The following XKR9 variants were observed in gnomAD, a reference collection of about 807,000 sequenced individuals.
The protein encoded by XKR9 is XK-related protein 9.
A neutral mutation model predicts 32.0 loss-of-function variants in XKR9; 32 were observed. That is an observed-to-expected ratio of 1.00 (90% CI 0.76 to 1.34). XKR9 has a LOEUF of 1.34. Ranked by LOEUF, XKR9 falls within the 40% of genes most tolerant of loss-of-function variation. XKR9 has a pLI of 0.00. For synonymous variants in XKR9, 168 were observed against 143.4 expected, an observed-to-expected ratio of 1.17 and a Z score of -1.22; for missense variants, 546 against 429.7, an observed-to-expected ratio of 1.27 and a Z score of -2.39.
At chr8:71,053,977 G>C in the XKR9 span, among the ~76,000 whole-genome samples, 3 of 152,194 alleles carry the variant, frequency 2.0e-5, no homozygotes, top group Admixed American at 1.3e-4. Flanking sequence ...AACAGTCTCA[G>C]CTAAGTTCCT....
At chr8:70,780,324 A>G (rs1807596767) in intron 2 of XKR9, among the ~76,000 whole-genome samples, 1 of 151,562 alleles carries the variant, frequency 6.6e-6, no homozygotes, top group Non-Finnish European at 1.5e-5. Flanking sequence ...TGTTTAGATA[A>G]TTTATTTTTG....
At chr8:70,886,659 TTC>T in the XKR9 span, among the ~76,000 whole-genome samples, 4 of 151,796 alleles carry the variant, frequency 2.6e-5, no homozygotes, top group African/African-American at 4.8e-5. Flanking sequence ...AGCTTTTTTT[TTC>T]ATATGTTTAT....
At chr8:70,897,851 C>T in the XKR9 span, among the ~76,000 whole-genome samples, 1 of 152,126 alleles carries the variant, frequency 6.6e-6, no homozygotes, top group Non-Finnish European at 1.5e-5. Context: ...GTTTCCTTTG[C>T]TGTGCAAAAG....
chr8:71,059,532 CAGAGA>C, the XKR9 span, among the ~76,000 whole-genome samples: 6 of 152,204 alleles, frequency 3.9e-5, no homozygotes, highest in African/African-American at 1.4e-4. Flanking sequence ...CAAATGCCTG[CAGAGA>C]AGAGAAAAGA....
At chr8:70,821,272 G>A in the XKR9 span, among the ~76,000 whole-genome samples, 7 of 152,232 alleles carry the variant, frequency 4.6e-5, no homozygotes, top group South Asian at 1.4e-3. Flanking sequence ...AGGTCACACT[G>A]ATGCAAGAGG....
At chr8:70,970,349 G>C in the XKR9 span, among the ~76,000 whole-genome samples, 1 of 151,832 alleles carries the variant, frequency 6.6e-6, no homozygotes, top group Non-Finnish European at 1.5e-5. Flanking sequence ...TTTAAGTTCT[G>C]TGGTACATGT....
the XKR9 span, among the ~76,000 whole-genome samples, chr8:70,994,895 C>A: frequency 2.6e-5 from 4 of 151,944 alleles, no homozygotes; most frequent in Admixed American, 2.0e-4. Context: ...ATGAAAAGGT[C>A]TTTGTGTTTC....
At chr8:70,750,032 T>C (rs1807116963) in intron 2 of XKR9, among the ~76,000 whole-genome samples, 2 of 152,186 alleles carry the variant, frequency 1.3e-5, no homozygotes, top group Non-Finnish European at 1.5e-5. Flanking sequence ...GGTGTGTGTA[T>C]GCATGAATGC....
At chr8:70,957,688 A>G in the XKR9 span, among the ~76,000 whole-genome samples, 41 of 151,594 alleles carry the variant, frequency 2.7e-4, no homozygotes, top group East Asian at 7.4e-3. Context: ...TTCCAGCTCC[A>G]TTCACATCCT....
the XKR9 span, among the ~76,000 whole-genome samples, chr8:70,878,238 C>T: frequency 2.0e-5 from 3 of 152,150 alleles, no homozygotes; most frequent in African/African-American, 7.2e-5. Flanking sequence ...TATGAAGAAA[C>T]TGCATTAATT....
chr8:70,794,789 A>G (rs1016406138), downstream of XKR9, among the ~76,000 whole-genome samples: 21 of 149,978 alleles, frequency 1.4e-4, no homozygotes, highest in African/African-American at 3.2e-4. Flanking sequence ...TTTTGTGTCT[A>G]TATTCGTACG....
the XKR9 span, among the ~76,000 whole-genome samples, chr8:70,993,473 C>T: frequency 6.6e-6 from 1 of 152,102 alleles, no homozygotes; most frequent in Non-Finnish European, 1.5e-5. Context: ...CCAAAAATGT[C>T]CCACCTTAGC....
the XKR9 span, among the ~76,000 whole-genome samples, chr8:70,949,842 T>A: frequency 6.6e-6 from 1 of 152,168 alleles, no homozygotes; most frequent in Non-Finnish European, 1.5e-5. Flanking sequence ...GTGCTTAGTA[T>A]GTGCCAGGCT....
chr8:70,864,178 T>C, the XKR9 span, among the ~76,000 whole-genome samples: 1 of 152,154 alleles, frequency 6.6e-6, no homozygotes, highest in Non-Finnish European at 1.5e-5. Context: ...CCCCCTAAAA[T>C]CTTATAACTT....
the XKR9 span, among the ~76,000 whole-genome samples, chr8:70,875,861 AT>A: frequency 6.6e-6 from 1 of 152,174 alleles, no homozygotes; most frequent in Non-Finnish European, 1.5e-5. Context: ...CCATAATTGA[AT>A]TTTAATTTAA....
the XKR9 span, among the ~76,000 whole-genome samples, chr8:70,836,855 T>C: frequency 3.3e-5 from 5 of 152,106 alleles, no homozygotes; most frequent in African/African-American, 4.8e-5. Flanking sequence ...TGTCTCAATA[T>C]GTGTCACATC....
At chr8:70,810,485 C>A in the XKR9 span, among the ~76,000 whole-genome samples, 2 of 152,158 alleles carry the variant, frequency 1.3e-5, no homozygotes, top group Non-Finnish European at 2.9e-5. Flanking sequence ...AATTAAAAGA[C>A]ACAGACTGGC....
the XKR9 span, among the ~76,000 whole-genome samples, chr8:70,871,929 A>G: frequency 2.0e-5 from 3 of 152,222 alleles, no homozygotes; most frequent in Non-Finnish European, 4.4e-5. Flanking sequence ...TTTAGTTCCA[A>G]GATAAATTTA....
the XKR9 span, among the ~76,000 whole-genome samples, chr8:70,860,010 G>T: frequency 2.6e-5 from 4 of 152,104 alleles, no homozygotes; most frequent in Non-Finnish European, 5.9e-5. Context: ...CCAACACATA[G>T]AAATAAATAT....
Sources: allele counts gnomAD v4.1 joint callset (sites outside exome capture counted in the v4.1 genomes callset), GRCh38; gene constraint gnomAD v4.1.1; transcripts MANE v1.5; gene names NCBI Gene and HGNC (gene_info 2026-07-23, HGNC 2026-07-21).